Variants in ALKBH8 observed in about 807,000 individuals in gnomAD.
ALKBH8 encodes tRNA (carboxymethyluridine(34)-5-O)-methyltransferase ALKBH8.
ALKBH8 carries 36 observed loss-of-function variants against 59.8 expected under a neutral mutation model. The observed-to-expected ratio is 0.60, with a 90% CI of 0.46 to 0.79. The LOEUF is 0.79. ALKBH8 is among the 30% of genes least tolerant of loss of function. ALKBH8 has a pLI of 0.00. For synonymous variants in ALKBH8, 276 were observed against 273.6 expected (o/e 1.01, Z -0.09); for missense variants, 768 against 801.0 (o/e 0.96, Z 0.50).
chr11:107,525,336 A>G (rs1863304213), intron 9 of ALKBH8, 105 bp downstream of exon 9: 13 of 1,047,698 alleles, frequency 1.2e-5, no homozygotes, highest in Non-Finnish European at 1.6e-5. Flanking sequence ...AGGAAATGCC[A>G]TTAGAGAGAT....
chr11:107,542,802 A>T (rs657344), intron 7 of ALKBH8, among the ~76,000 whole-genome samples: 2,918 of 152,224 alleles, frequency 0.019, 89 homozygotes, highest in African/African-American at 0.065. Context: ...ACCTGCTACT[A>T]GGATGGCTAA....
At chr11:107,506,814 A>C (rs1319029046) in intron 11 of ALKBH8, among the ~76,000 whole-genome samples, 3 of 152,186 alleles carry the variant, frequency 2.0e-5, no homozygotes, top group African/African-American at 7.2e-5. Flanking sequence ...GAGCAAAAGA[A>C]ACTTACTTCC....
intron 7 of ALKBH8, among the ~76,000 whole-genome samples, 177 bp downstream of exon 7, chr11:107,549,576 A>T (rs1864409508): frequency 6.6e-6 from 1 of 152,230 alleles, no homozygotes; most frequent in South Asian, 2.1e-4. Context: ...GAGGTGACAG[A>T]TAAAATTTTG....
chr11:107,509,552 A>C (rs568281911), intron 11 of ALKBH8, among the ~76,000 whole-genome samples: 11 of 152,050 alleles, frequency 7.2e-5, no homozygotes, highest in Non-Finnish European at 1.3e-4. Flanking sequence ...TTTTAGTATC[A>C]TATCCAAGAA....
intron 10 of ALKBH8, among the ~76,000 whole-genome samples, chr11:107,514,263 T>C (rs1222733328): frequency 6.6e-6 from 1 of 152,098 alleles, no homozygotes; most frequent in East Asian, 1.9e-4. Flanking sequence ...AAAAAGATCT[T>C]AAAATGAAAC....
At chr11:107,515,382 G>T (rs759930699) in intron 10 of ALKBH8, among the ~76,000 whole-genome samples, 1 of 152,078 alleles carries the variant, frequency 6.6e-6, no homozygotes, top group Non-Finnish European at 1.5e-5. Context: ...TGGAGACAGG[G>T]TCTCACTCTG....
intron 9 of ALKBH8, among the ~76,000 whole-genome samples, chr11:107,525,004 T>C (rs1863290635): frequency 6.6e-6 from 1 of 152,216 alleles, no homozygotes; most frequent in Admixed American, 6.5e-5. Flanking sequence ...ACATAAACTG[T>C]CGCTTATCTC....
At position 107,504,795 on chromosome 11, in the gene ALKBH8, T is replaced by C. The variant is rs1187337795; in HGVS notation, c.1858A>G (p.Ser620Gly). Residue 620 changes from serine to glycine, a missense_variant, in exon 12 of 12, where the codon AGT becomes GGT. Ser to Gly is a moderately conservative substitution (Grantham distance 56). Coordinates refer to ENST00000428149, the MANE Select transcript of ALKBH8 (RefSeq NM_138775.3). ...PFGPIGSQDP[S>G]PVFHRYYHVF... ...TGGTAGTAACGATGAAACACAGGAC[T>C]TGGGTCCTGGGATCCTATGGGACCA... The C allele has an allele frequency of 1.9e-6, 3 of 1,551,850 alleles. No homozygotes were observed. Among genetic ancestry groups the C allele is most frequent in the Non-Finnish European group, 1.7e-6 (2 of 1,147,024 alleles).
intron 10 of ALKBH8, among the ~76,000 whole-genome samples, chr11:107,518,012 T>C (rs531341165): frequency 6.6e-6 from 1 of 152,298 alleles, no homozygotes; most frequent in Non-Finnish European, 1.5e-5. Flanking sequence ...TCATATCATA[T>C]ACAATAAATA....
rs766535856 is a variant in ALKBH8 at position 107,557,709 on chromosome 11, CT to C, written c.130-707del. 4.2e-4 allele frequency among the ~76,000 whole-genome samples: 64 copies of C among 152,148 alleles called. 1 individual carries two copies. The Middle Eastern group carries it at 0.017, about 40-fold the overall frequency. Reference sequence around the variant, plus strand: ...GTCAGTTCACAATGAAAACTTTTTCCTTTGTAAGTTTCACGATTACTTCCTG... The same window carrying C: ...GTCAGTTCACAATGAAAACTTTTTCCTTGTAAGTTTCACGATTACTTCCTG... On this transcript the variant is annotated intron_variant, in intron 2 of 11. Transcript: ENST00000428149.
chr11:107,529,143 T>C (rs767548318), intron 8 of ALKBH8, among the ~76,000 whole-genome samples: 20 of 152,200 alleles, frequency 1.3e-4, no homozygotes, highest in Non-Finnish European at 2.4e-4. Flanking sequence ...ACTTACTGCT[T>C]CGTGACTTTG....
chr11:107,554,651 G>T (rs1864631315), intron 3 of ALKBH8, among the ~76,000 whole-genome samples: 1 of 152,092 alleles, frequency 6.6e-6, no homozygotes, highest in Admixed American at 6.5e-5. Context: ...TTTTCTGCCA[G>T]GCAGATTAAA....
At chr11:107,531,764 A>C (rs1049036389) in intron 8 of ALKBH8, among the ~76,000 whole-genome samples, 5 of 152,248 alleles carry the variant, frequency 3.3e-5, no homozygotes, top group African/African-American at 9.6e-5. Flanking sequence ...TGAGGGCCAC[A>C]CATAGTCTCT....
intron 9 of ALKBH8, among the ~76,000 whole-genome samples, chr11:107,524,436 C>T (rs1326186449): frequency 3.3e-5 from 5 of 152,054 alleles, no homozygotes; most frequent in African/African-American, 1.2e-4. Context: ...TTAATAAATG[C>T]CCATGATAAA....
chr11:107,538,155 G>GTT (rs1044322275), intron 7 of ALKBH8, among the ~76,000 whole-genome samples: 32 of 149,472 alleles, frequency 2.1e-4, no homozygotes, highest in African/African-American at 7.1e-4. Context: ...CAGATTTTCT[G>GTT]TTTTTTTTTA....
chr11:107,551,681 C>G (rs959511706), intron 6 of ALKBH8, 127 bp downstream of exon 6: 2 of 299,312 alleles, frequency 6.7e-6, no homozygotes, highest in East Asian at 7.3e-5. Context: ...GCAACAAGAG[C>G]GAAACTCCAT....
At chr11:107,560,688 T>G in intron 2 of ALKBH8, 77 bp downstream of exon 2, 1 of 1,372,794 alleles carries the variant, frequency 7.3e-7, no homozygotes, top group Non-Finnish European at 9.8e-7. Flanking sequence ...CCTTAGGCAA[T>G]TATTAGCAAA....
At chr11:107,529,295 A>C (rs937573641) in intron 8 of ALKBH8, among the ~76,000 whole-genome samples, 1 of 152,210 alleles carries the variant, frequency 6.6e-6, no homozygotes. Context: ...CACAAGGAAA[A>C]TGCTCCAGAA....
chr11:107,542,827 T>C (rs1342114182), intron 7 of ALKBH8, among the ~76,000 whole-genome samples: 1 of 152,114 alleles, frequency 6.6e-6, no homozygotes, highest in Non-Finnish European at 1.5e-5. Flanking sequence ...GGAGGGTTGC[T>C]TGAGACTGGG....
Sources: allele counts gnomAD v4.1 joint callset (sites outside exome capture counted in the v4.1 genomes callset), GRCh38; gene constraint gnomAD v4.1.1; transcripts MANE v1.5; gene names NCBI Gene and HGNC (gene_info 2026-07-23, HGNC 2026-07-21).